The following STX18 variants were observed in gnomAD, a reference collection of about 807,000 sequenced individuals.
STX18 encodes the protein syntaxin 18, also known as syntaxin-18.
Under a neutral mutation model 50.1 loss-of-function variants are expected in STX18, and 40 were observed. The ratio of observed to expected loss-of-function variants is 0.80; its 90% CI spans 0.62 to 1.04. STX18 has a LOEUF of 1.04. STX18 is among the 50% of genes least tolerant of loss of function. STX18 has a pLI of 0.00. For synonymous variants in STX18, 158 were observed against 151.8 expected (o/e 1.04, Z -0.30); for missense variants, 410 against 415.8 (o/e 0.99, Z 0.12).
chr4:4,502,022 A>T (rs1392180792), intron 1 of STX18, among the ~76,000 whole-genome samples: 1 of 152,252 alleles, frequency 6.6e-6, no homozygotes, highest in African/African-American at 2.4e-5. Context: ...ACTCCTAAGC[A>T]TTAAGAACCT....
intron 1 of STX18, among the ~76,000 whole-genome samples, chr4:4,477,715 G>A (rs1728258459): frequency 6.6e-6 from 1 of 152,210 alleles, no homozygotes; most frequent in South Asian, 2.1e-4. Flanking sequence ...ATCCTGGCAA[G>A]TCACAACTAC....
At chr4:4,520,987 A>G (rs1323290247) in intron 1 of STX18, among the ~76,000 whole-genome samples, 5 of 152,218 alleles carry the variant, frequency 3.3e-5, no homozygotes, top group Admixed American at 1.3e-4. Context: ...GACTTGAACA[A>G]TCTTTGAAGA....
chr4:4,459,972 A>G (rs1490581114), intron 2 of STX18, among the ~76,000 whole-genome samples: 1 of 152,096 alleles, frequency 6.6e-6, no homozygotes, highest in African/African-American at 2.4e-5. Flanking sequence ...AGCTGCATCA[A>G]TGCATCCCTT....
At chr4:4,462,433 G>C (rs1727428177) in intron 2 of STX18, among the ~76,000 whole-genome samples, 2 of 152,168 alleles carry the variant, frequency 1.3e-5, no homozygotes, top group African/African-American at 4.8e-5. Context: ...GGCAGGATTG[G>C]GACTGGAACT....
intron 5 of STX18, among the ~76,000 whole-genome samples, chr4:4,448,047 G>A (rs1169946630): frequency 6.6e-6 from 1 of 152,170 alleles, no homozygotes; most frequent in Non-Finnish European, 1.5e-5. Flanking sequence ...AAGGAGCCTT[G>A]ACAGAGTAGC....
At chr4:4,458,935 A>G (rs1175920428) in intron 3 of STX18, among the ~76,000 whole-genome samples, 2 of 152,116 alleles carry the variant, frequency 1.3e-5, no homozygotes, top group Non-Finnish European at 2.9e-5. Context: ...TTACAAGTAG[A>G]GCTTAAGTAC....
intron 1 of STX18, among the ~76,000 whole-genome samples, chr4:4,511,380 G>A (rs368774167): frequency 6.6e-6 from 1 of 152,134 alleles, no homozygotes; most frequent in East Asian, 1.9e-4. Context: ...CTGAACACTT[G>A]ATTTTTATCA....
intron 1 of STX18, among the ~76,000 whole-genome samples, chr4:4,496,054 T>C (rs574311035): frequency 2.0e-5 from 3 of 152,242 alleles, no homozygotes; most frequent in Non-Finnish European, 2.9e-5. Flanking sequence ...AAACTTTCCA[T>C]ATACACTTTC....
chr4:4,453,675 T>C (rs1726899688), intron 5 of STX18: 2 of 983,554 alleles, frequency 2.0e-6, no homozygotes, highest in Admixed American at 6.1e-5. Context: ...GCAAAGGCTC[T>C]GGGTAGAAAG....
At chr4:4,461,885 TCTCTC>T in intron 2 of STX18, 2 of 456,212 alleles carry the variant, frequency 4.4e-6, no homozygotes, top group Non-Finnish European at 8.8e-6. Flanking sequence ...ACCACACCTT[TCTCTC>T]CTCTCTTTTA....
At chr4:4,512,493 A>G (rs1379671247) in intron 1 of STX18, among the ~76,000 whole-genome samples, 1 of 152,176 alleles carries the variant, frequency 6.6e-6, no homozygotes, top group East Asian at 1.9e-4. Flanking sequence ...GTTCCCAGGA[A>G]GAAGGCAGGC....
upstream of STX18, chr4:4,542,232 G>A (rs948432630): frequency 2.5e-6 from 1 of 393,920 alleles, no homozygotes; most frequent in Non-Finnish European, 4.5e-6. Flanking sequence ...GGGTTTAGCT[G>A]CGCGGAGAGC....
intron 3 of STX18, among the ~76,000 whole-genome samples, chr4:4,459,062 G>GCACACACACACACACACACACACACA (rs60704649): frequency 6.9e-6 from 1 of 144,282 alleles, no homozygotes; most frequent in Non-Finnish European, 1.5e-5. Context: ...ACACACACAC[G>GCACACACACACACACACACACACACA]CACACACACA....
intron 2 of STX18, among the ~76,000 whole-genome samples, chr4:4,463,253 A>G (rs1234693543): frequency 6.6e-6 from 1 of 152,254 alleles, no homozygotes; most frequent in African/African-American, 2.4e-5. Context: ...GCATAAAAAC[A>G]GCCCTAGACA....
chr4:4,473,779 G>T (rs140764816), intron 1 of STX18, among the ~76,000 whole-genome samples: 1 of 152,236 alleles, frequency 6.6e-6, no homozygotes, highest in East Asian at 1.9e-4. Flanking sequence ...GGGGCCATGT[G>T]AACAGCATAA....
chr4:4,438,911 CAT>C (rs1179172618), intron 5 of STX18, among the ~76,000 whole-genome samples: 3 of 150,268 alleles, frequency 2.0e-5, no homozygotes, highest in Non-Finnish European at 3.0e-5. Flanking sequence ...ATATATAATA[CAT>C]ATTATACATA....
At chr4:4,515,473 A>G (rs546577906) in intron 1 of STX18, among the ~76,000 whole-genome samples, 35 of 152,300 alleles carry the variant, frequency 2.3e-4, no homozygotes, top group African/African-American at 8.2e-4. Flanking sequence ...ATGGTAATTA[A>G]TTCTCACTTA....
intron 2 of STX18, among the ~76,000 whole-genome samples, chr4:4,471,237 C>G (rs1335137009): frequency 6.6e-6 from 1 of 152,156 alleles, no homozygotes; most frequent in Admixed American, 6.5e-5. Flanking sequence ...ACCAAACCAG[C>G]AAAACTGGTG....
intron 5 of STX18, among the ~76,000 whole-genome samples, chr4:4,453,949 C>G: frequency 6.6e-6 from 1 of 152,186 alleles, no homozygotes; most frequent in African/African-American, 2.4e-5. Flanking sequence ...TGTTACTGGT[C>G]TGCTACAAGA....
Sources: allele counts gnomAD v4.1 joint callset (sites outside exome capture counted in the v4.1 genomes callset), GRCh38; gene constraint gnomAD v4.1.1; transcripts MANE v1.5; gene names NCBI Gene and HGNC (gene_info 2026-07-23, HGNC 2026-07-21).